The following TRIM13 variants were observed in gnomAD, a reference collection of about 807,000 sequenced individuals.
TRIM13 encodes E3 ubiquitin-protein ligase TRIM13.
A neutral mutation model predicts 27.1 loss-of-function variants in TRIM13; 15 were observed. That is an observed-to-expected ratio of 0.55 (90% CI 0.37 to 0.85). The LOEUF is 0.85. Ranked by LOEUF, TRIM13 falls within the 40% of genes least tolerant of loss-of-function variation. The pLI, the probability that TRIM13 is intolerant of heterozygous loss-of-function variation, is 0.00. For synonymous variants in TRIM13, 193 were observed against 171.5 expected (o/e 1.13, Z -0.98); for missense variants, 402 against 472.2 (o/e 0.85, Z 1.38).
intron 1 of TRIM13, among the ~76,000 whole-genome samples, chr13:50,010,215 A>G (rs1382429180): frequency 6.6e-6 from 1 of 151,542 alleles, no homozygotes; most frequent in Non-Finnish European, 1.5e-5. Context: ...TGGCTGGCTA[A>G]TTTTTTTGGT....
chr13:50,016,020 T>A lies in TRIM13; in HGVS notation c.*2856T>A, dbSNP rs1465151159. ...CCACAAAGACCTTCTTACCATGACC[T>A]GGTTTTCCAGTGTGGTTCTGACAGC... On this transcript the variant is annotated 3_prime_UTR_variant, in exon 2 of 2. Coordinates refer to ENST00000378182, the MANE Select transcript of TRIM13 (RefSeq NM_213590.3). The A allele has an allele frequency of 2.5e-6, 4 of 1,614,008 alleles. No homozygotes were observed. Among genetic ancestry groups the A allele is most frequent in the Non-Finnish European group, 3.4e-6 (4 of 1,179,974 alleles).
Position 50,016,973 on chromosome 13 carries a change from TTGGTCTTGCTTA to T in TRIM13, c.*3810_*3821del, listed in dbSNP as rs1298007613. ...TCTCTCTCTCTTAGCGACACACTCC[TTGGTCTTGCTTA>T]CCAACTGGAGGACACTAGGTAGAAT... is the stretch of plus-strand genomic sequence containing the variant. On this transcript the variant is annotated 3_prime_UTR_variant, in exon 2 of 2. Coordinates refer to ENST00000378182, the MANE Select transcript of TRIM13 (RefSeq NM_213590.3). The T allele has an allele frequency of 1.2e-5, 2 of 166,962 alleles. No individual in the cohort carries two copies. The highest frequency in any genetic ancestry group is 2.9e-5 in the Non-Finnish European group (2 of 68,090). 10.3% of individuals were successfully genotyped at this position (166,962 alleles called of 1,614,324 possible).
Position 50,015,138 on chromosome 13 carries a change from TATATATATATA to T in TRIM13, c.*1975_*1985del, listed in dbSNP as rs1876363107. 8.1e-6 allele frequency: 1 copy of T among 124,010 alleles called. No homozygotes were observed. 7.7% of individuals were successfully genotyped at this position (124,010 alleles called of 1,614,324 possible). ...ATATATATATATATATATATATATA[TATATATATATA>T]TAGTTTTACTAGGTTTTCATGGATA... On this transcript the variant is annotated 3_prime_UTR_variant, in exon 2 of 2. Coordinates refer to ENST00000378182, the MANE Select transcript of TRIM13 (RefSeq NM_213590.3).
intron 1 of TRIM13, among the ~76,000 whole-genome samples, chr13:50,003,404 T>C (rs968287931): frequency 6.6e-6 from 1 of 152,230 alleles, no homozygotes; most frequent in Non-Finnish European, 1.5e-5. Flanking sequence ...AACTTTATAT[T>C]GCTAACAGCC....
chr13:50,010,173 C>T (rs1211503563), intron 1 of TRIM13, among the ~76,000 whole-genome samples: 1 of 151,634 alleles, frequency 6.6e-6, no homozygotes, highest in Non-Finnish European at 1.5e-5. Context: ...CTCAGCCTCC[C>T]GAGTAGTTGG....
In TRIM13 at chr13:50,016,766, T is replaced by C. The variant is rs922960333; in HGVS notation, c.*3602T>C. On this transcript the variant is annotated 3_prime_UTR_variant, in exon 2 of 2. Transcript: ENST00000378182. ...CCCCCCGTAAAATGTCTTAATGCTG[T>C]CCTACCATTATTTTACCAACTGTGA... The C allele has an allele frequency of 6.0e-6, 1 of 167,098 alleles. No individual in the cohort carries two copies. Among genetic ancestry groups the C allele is most frequent in the Non-Finnish European group, 1.5e-5 (1 of 68,110 alleles). 10.4% of individuals were successfully genotyped at this position (167,098 alleles called of 1,614,324 possible). A position where few individuals can be genotyped will look rare whatever the true frequency, so the allele number is the denominator to read the frequency against.
Position 50,015,571 on chromosome 13 carries a change from T to A in TRIM13, c.*2407T>A. The A allele has an allele frequency of 1.2e-6, 2 of 1,614,094 alleles. No individual in the cohort carries two copies. The highest frequency in any genetic ancestry group is 2.2e-5 in the South Asian group (2 of 91,080). On this transcript the variant is annotated 3_prime_UTR_variant, in exon 2 of 2. Transcript: ENST00000378182. ...CAAGGTTTTCTACGATAAAGCAGTT[T>A]CCTGCTTCTCGTTTGGCACGCATGT...
chr13:50,006,604 C>T (rs948545639), intron 1 of TRIM13, among the ~76,000 whole-genome samples: 4 of 151,996 alleles, frequency 2.6e-5, no homozygotes, highest in African/African-American at 9.7e-5. Flanking sequence ...CTGGGGTTGG[C>T]AGATCATCAA....
chr13:50,014,380 T>C lies in TRIM13; in HGVS notation c.*1216T>C, dbSNP rs1023490147. ...ATATATACACACACACACACACATA[T>C]GTACACATACATATATATACATATA... On this transcript the variant is annotated 3_prime_UTR_variant, in exon 2 of 2. Coordinates refer to ENST00000378182, the MANE Select transcript of TRIM13 (RefSeq NM_213590.3). 28 of 128,898 alleles carry C rather than the reference T, an allele frequency of 2.2e-4. No homozygotes were observed. Among genetic ancestry groups the C allele is most frequent in the Non-Finnish European group, 4.3e-4 (25 of 58,606 alleles). The allele number at this position is 128,898 out of a possible 1,614,324, so 8.0% of individuals were successfully genotyped here. A position where few individuals can be genotyped will look rare whatever the true frequency, so the allele number is the denominator to read the frequency against.
chr13:50,008,206 A>G (rs1027091849), intron 1 of TRIM13, among the ~76,000 whole-genome samples: 6 of 152,100 alleles, frequency 3.9e-5, no homozygotes, highest in African/African-American at 1.4e-4. Flanking sequence ...GTGCCCGGCC[A>G]AGTATTCACT....
chr13:50,010,694 A>G lies in TRIM13; in HGVS notation c.-6-1241A>G, dbSNP rs79787561. Among the ~76,000 whole-genome samples, 976 of 152,318 alleles carry G rather than the reference A, an allele frequency of 6.4e-3. 10 individuals carry two copies. The highest frequency in any genetic ancestry group is 0.011 in the South Asian group (51 of 4,826). On this transcript the variant is annotated intron_variant, in intron 1 of 1. Transcript: ENST00000378182. ...TGTTTTCCAAAATTCTAATTTTTAC[A>G]TAAAACCCAGCCTTTTCATTAGCAA...
At chr13:50,000,650 A>G (rs983641945) in intron 1 of TRIM13, among the ~76,000 whole-genome samples, 2 of 152,242 alleles carry the variant, frequency 1.3e-5, no homozygotes, top group African/African-American at 4.8e-5. Flanking sequence ...ATGTGTGCAC[A>G]TGCACGGACA....
At chr13:50,009,237 G>A (rs1450721121) in intron 1 of TRIM13, among the ~76,000 whole-genome samples, 1 of 152,140 alleles carries the variant, frequency 6.6e-6, no homozygotes, top group East Asian at 1.9e-4. Flanking sequence ...GTAATGAATG[G>A]CTATTTAATA....
intron 1 of TRIM13, among the ~76,000 whole-genome samples, chr13:50,010,084 T>C (rs1875419423): frequency 1.4e-5 from 2 of 147,666 alleles, no homozygotes; most frequent in Non-Finnish European, 3.0e-5. Flanking sequence ...GGTCTCTCTC[T>C]GTTGCCCAGG....
Position 50,013,039 on chromosome 13 carries a change from C to A in TRIM13, c.1099C>A (p.Gln367Lys). The A allele has an allele frequency of 2.5e-6, 4 of 1,613,928 alleles. No homozygotes were observed. The highest frequency in any genetic ancestry group is 1.3e-5 in the African/African-American group (1 of 75,006). Residue 367 changes from glutamine (Q) to lysine (K), a missense_variant, in exon 2 of 2, where the codon CAA becomes AAA. Physicochemically the swap from Gln to Lys is moderately conservative, Grantham distance 53 (BLOSUM62 1). Coordinates refer to ENST00000378182, the MANE Select transcript of TRIM13 (RefSeq NM_213590.3). ...YLTKTADFIE[Q>K]SVFYWEQVTD... ...GACTAAAACAGCCGATTTCATAGAA[C>A]AATCAGTTTTTTACTGGGAACAGGT...
At position 50,012,806 on chromosome 13, in the gene TRIM13, T is replaced by C. The variant is rs1444456485; in HGVS notation, c.866T>C (p.Ile289Thr). The change falls in exon 2 of 2, where the codon ATA becomes ACA. Residue 289 changes from isoleucine to threonine, a missense_variant. Transcript: ENST00000378182. ...TTTGATACCAGTCAGTGGGAAGACA[T>C]AAAACTAGTCGATGTGGATAAACTT... The part of the protein sequence containing the change: ...KNFDTSQWED[I>T]KLVDVDKLSL... 2 of 1,613,950 alleles carry C rather than the reference T, an allele frequency of 1.2e-6. No individual in the cohort carries two copies. Among genetic ancestry groups the C allele is most frequent in the African/African-American group, 2.7e-5 (2 of 74,900 alleles).
chr13:50,012,029 G>C lies in TRIM13; in HGVS notation c.89G>C (p.Cys30Ser). 4.3e-6 allele frequency: 7 copies of C among 1,613,646 alleles called. No homozygotes were observed. Among genetic ancestry groups the C allele is most frequent in the Non-Finnish European group, 5.9e-6 (7 of 1,179,926 alleles). ...GTTTTGCCTTGCTCCCACAACTTCT[G>C]CAAAAAATGCTTAGAAGGTATCTTA... ...PRVLPCSHNF[C>S]KKCLEGILEG... is the part of the protein sequence containing the mutation. The change falls in exon 2 of 2, where the codon TGC becomes TCC. Residue 30 changes from cysteine to serine, a missense_variant. By Grantham distance (112) the Cys-to-Ser change is moderately radical. Transcript: ENST00000378182.
Position 50,016,475 on chromosome 13 carries a change from CTA to C in TRIM13, c.*3316_*3317del, listed in dbSNP as rs1451397515. 5.7e-6 allele frequency: 1 copy of C among 175,880 alleles called. No individual in the cohort carries two copies. Among genetic ancestry groups the C allele is most frequent in the Non-Finnish European group, 1.3e-5 (1 of 74,090 alleles). The allele number at this position is 175,880 out of a possible 1,614,324, so 10.9% of individuals were successfully genotyped here. On this transcript the variant is annotated 3_prime_UTR_variant, in exon 2 of 2. Transcript: ENST00000378182. ...TGGTTTCTCTTGAGTTCCTTACACA[CTA>C]TATAAGTTGTTCTTTCAGTTTTATG...
At chr13:50,011,795 T>C in intron 1 of TRIM13, 140 bp from the exon 2 acceptor site, 1 of 1,036,850 alleles carries the variant, frequency 9.6e-7, no homozygotes, top group South Asian at 1.7e-5. Context: ...TGCATTCCCT[T>C]ACCAAATTTC....
Sources: allele counts gnomAD v4.1 joint callset (sites outside exome capture counted in the v4.1 genomes callset), GRCh38; gene constraint gnomAD v4.1.1; transcripts MANE v1.5; gene names NCBI Gene and HGNC (gene_info 2026-07-23, HGNC 2026-07-21).